KIF21A: variants seen among roughly 807,000 people sequenced by gnomAD.
The protein encoded by KIF21A is kinesin-like protein KIF21A.
A neutral mutation model predicts 202.9 loss-of-function variants in KIF21A; 114 were observed. The ratio of observed to expected loss-of-function variants is 0.56; its 90% CI spans 0.48 to 0.66. The LOEUF is 0.66. Among genes scored for constraint, KIF21A ranks in the 30% least tolerant of loss-of-function variants. The pLI, the probability that KIF21A is intolerant of heterozygous loss-of-function variation, is 0.00. For missense variants in KIF21A, 1,677 were observed against 1,994.9 expected (o/e 0.84, Z 3.04); for synonymous variants, 667 against 670.8 (o/e 0.99, Z 0.09).
Position 39,322,695 on chromosome 12 carries a change from G to A in KIF21A, c.3644C>T (p.Pro1215Leu). 1 of 1,614,114 alleles carries A rather than the reference G, an allele frequency of 6.2e-7. No homozygotes were observed. The highest frequency in any genetic ancestry group is 2.2e-5 in the East Asian group (1 of 44,874). Residue 1215 changes from proline (P) to leucine (L), a missense_variant, in exon 27 of 38, where the codon CCT becomes CTT. Pro to Leu is a moderately conservative substitution (Grantham distance 98). Transcript: ENST00000361418. Reference protein sequence around the residue: ...SAREKELSPPPGLPSKIGSIS... With the variant: ...SAREKELSPPLGLPSKIGSIS... The stretch of plus-strand genomic sequence containing the variant: ...GCTGCCTATCTTAGAAGGTAAGCCA[G>A]GTGGGGGAGAGAGCTCTTTTTCCCT...
intron 1 of KIF21A, among the ~76,000 whole-genome samples, chr12:39,372,045 A>T (rs1477302786): frequency 6.6e-6 from 1 of 151,212 alleles, no homozygotes; most frequent in Non-Finnish European, 1.5e-5. Context: ...AAAAAAAAAA[A>T]CTCAGGTCAA....
intron 37 of KIF21A, among the ~76,000 whole-genome samples, chr12:39,299,339 G>A (rs903895645): frequency 6.6e-6 from 1 of 152,028 alleles, no homozygotes; most frequent in African/African-American, 2.4e-5. Context: ...CATACATGCC[G>A]CTAACTAGAA....
At position 39,293,842 on chromosome 12, in the gene KIF21A, C is replaced by T. The variant is rs767760567; in HGVS notation, c.*582G>A. 92 of 154,142 alleles carry T rather than the reference C, an allele frequency of 6.0e-4. No individual in the cohort carries two copies. The highest frequency in any genetic ancestry group is 8.3e-4 in the Non-Finnish European group (57 of 69,086). The allele number at this position is 154,142 out of a possible 1,614,324, so 9.5% of individuals were successfully genotyped here. A position where few individuals can be genotyped will look rare whatever the true frequency, so the allele number is the denominator to read the frequency against. On this transcript the variant is annotated 3_prime_UTR_variant, in exon 38 of 38. Coordinates refer to ENST00000361418, the MANE Select transcript of KIF21A (RefSeq NM_001173464.2). ...GCCAACATTTAACACAAACTGTCTA[C>T]CCTTCTCTGTTAGTAGATTAAGATC...
At chr12:39,395,842 C>CA (rs747398067) in intron 1 of KIF21A, among the ~76,000 whole-genome samples, 21,455 of 84,660 alleles carry the variant, frequency 0.25, 2,051 homozygotes, top group East Asian at 0.44. Context: ...GACTCCGTCT[C>CA]AAAAAAAAAA....
At chr12:39,318,035 T>C (rs755022009) in intron 29 of KIF21A, 38 bp downstream of exon 29, 1 of 1,595,100 alleles carries the variant, frequency 6.3e-7, no homozygotes, top group South Asian at 1.1e-5. Flanking sequence ...TTCAGAATAT[T>C]ATATAAATAA....
intron 6 of KIF21A, among the ~76,000 whole-genome samples, chr12:39,363,954 GTTGCAGTGAGCTGGGA>G (rs1257347490): frequency 6.6e-6 from 1 of 152,194 alleles, no homozygotes; most frequent in Non-Finnish European, 1.5e-5. Context: ...GGAGGTGGAG[GTTGCAGTGAGCTGGGA>G]TTGCACCACT....
intron 26 of KIF21A, among the ~76,000 whole-genome samples, chr12:39,325,020 G>A (rs1945710224): frequency 6.6e-6 from 1 of 152,242 alleles, no homozygotes; most frequent in East Asian, 1.9e-4. Flanking sequence ...TTAACTGCAT[G>A]TATAATTTAT....
rs753155819 is a variant in KIF21A, at chr12:39,307,714, A to G, written c.4293T>C (p.Val1431=). The change falls in exon 34 of 38, where the codon GTT becomes GTC. Residue 1431 remains valine, a synonymous_variant. Coordinates refer to ENST00000361418, the MANE Select transcript of KIF21A (RefSeq NM_001173464.2). ...TTGCAGAACAAGCATCTCCAAGAGT[A>G]ACTTGACCTGAAGACCTTAAGAGAT... ...CIRTLTSSGQ[V]TLGDACSAST... is the part of the protein sequence containing the mutation. The G allele has an allele frequency of 6.2e-7, 1 of 1,614,042 alleles. No homozygotes were observed. The highest frequency in any genetic ancestry group is 8.5e-7 in the Non-Finnish European group (1 of 1,179,958).
chr12:39,401,050 C>T (rs562642828), intron 1 of KIF21A, among the ~76,000 whole-genome samples: 6 of 152,266 alleles, frequency 3.9e-5, no homozygotes, highest in East Asian at 3.9e-4. Flanking sequence ...AAAAACCCCA[C>T]GCTTGACACT....
intron 5 of KIF21A, among the ~76,000 whole-genome samples, chr12:39,366,763 T>C (rs908934767): frequency 1.3e-5 from 2 of 152,210 alleles, no homozygotes; most frequent in Non-Finnish European, 2.9e-5. Context: ...CTACAGCATA[T>C]AATCCTCAAA....
At chr12:39,318,292 C>T in intron 28 of KIF21A, 91 bp from the exon 29 acceptor site, 2 of 1,259,506 alleles carry the variant, frequency 1.6e-6, no homozygotes, top group Non-Finnish European at 2.3e-6. Flanking sequence ...TAAAAAAAAG[C>T]TTTTTATTAG....
chr12:39,319,866 T>G, intron 28 of KIF21A, 40 bp downstream of exon 28: 1 of 1,152,816 alleles, frequency 8.7e-7, no homozygotes, highest in Non-Finnish European at 1.3e-6. Context: ...GCAGCAGGCA[T>G]TTAATACAGT....
intron 18 of KIF21A, 45 bp from the exon 19 acceptor site, chr12:39,333,152 A>C (rs1201058160): frequency 6.2e-7 from 1 of 1,606,434 alleles, no homozygotes; most frequent in South Asian, 1.1e-5. Context: ...GTCTATAGAA[A>C]TACATCATTT....
At chr12:39,335,444 A>G (rs1372655615) in intron 17 of KIF21A, among the ~76,000 whole-genome samples, 2 of 151,726 alleles carry the variant, frequency 1.3e-5, no homozygotes, top group East Asian at 3.9e-4. Context: ...TCAAGACACA[A>G]AAGGCCACAT....
intron 31 of KIF21A, among the ~76,000 whole-genome samples, chr12:39,314,022 C>G (rs1944277676): frequency 6.6e-6 from 1 of 151,022 alleles, no homozygotes; most frequent in Non-Finnish European, 1.5e-5. Context: ...ATATGAAGAG[C>G]TGTCATATAT....
chr12:39,304,160 C>T (rs557903454), intron 35 of KIF21A, among the ~76,000 whole-genome samples: 2 of 152,222 alleles, frequency 1.3e-5, no homozygotes, highest in South Asian at 2.1e-4. Context: ...AGTCATTAAC[C>T]CATCTCTCAT....
At chr12:39,394,907 A>C (rs1951622063) in intron 1 of KIF21A, among the ~76,000 whole-genome samples, 2 of 152,134 alleles carry the variant, frequency 1.3e-5, no homozygotes, top group Non-Finnish European at 2.9e-5. Flanking sequence ...TGCTCTTCCC[A>C]CACCAATCCC....
In KIF21A at chr12:39,293,231, T is replaced by C. The variant is rs1942010890; in HGVS notation, c.*1193A>G. On this transcript the variant is annotated 3_prime_UTR_variant, in exon 38 of 38. Transcript: ENST00000361418. Reference sequence around the variant, plus strand: ...AAAAAGAACAATACAGTAAAAATAATTTCATAGCAACATGTTTATTTAAGC... The same window carrying C: ...AAAAAGAACAATACAGTAAAAATAACTTCATAGCAACATGTTTATTTAAGC... 1 of 152,214 alleles carries C rather than the reference T, an allele frequency of 6.6e-6. No individual in the cohort carries two copies. The highest frequency in any genetic ancestry group is 1.5e-5 in the Non-Finnish European group (1 of 68,040). The allele number at this position is 152,214 out of a possible 1,614,324, so 9.4% of individuals were successfully genotyped here.
chr12:39,353,724 C>G (rs542761617), intron 10 of KIF21A, among the ~76,000 whole-genome samples: 2 of 151,966 alleles, frequency 1.3e-5, no homozygotes, highest in Non-Finnish European at 2.9e-5. Context: ...TAAAAGTCTG[C>G]ATTTGGTAGG....
Sources: gnomAD v4.1 joint callset for allele counts (sites outside exome capture counted in the v4.1 genomes callset) on GRCh38, gnomAD v4.1.1 for gene constraint, MANE v1.5 for transcripts, NCBI Gene and HGNC (gene_info 2026-07-23, HGNC 2026-07-21) for gene names.